Variants in CNTNAP2 observed in about 807,000 individuals in gnomAD.
The protein encoded by CNTNAP2 is contactin associated protein 2.
A neutral mutation model predicts 155.2 loss-of-function variants in CNTNAP2; 98 were observed. That is an observed-to-expected ratio of 0.63 (90% CI 0.54 to 0.75). The LOEUF is 0.75. CNTNAP2 is among the 30% of genes least tolerant of loss of function. The probability of loss-of-function intolerance (pLI) is 0.00; values close to 1 mark genes in which losing one functional copy is unlikely to be tolerated. For synonymous variants in CNTNAP2, 651 were observed against 631.2 expected (o/e 1.03, Z -0.47); for missense variants, 1,727 against 1,688.1 (o/e 1.02, Z -0.40).
chr7:146,471,224 T>G (rs1584940567), intron 1 of CNTNAP2, among the ~76,000 whole-genome samples: 1 of 152,342 alleles, frequency 6.6e-6, no homozygotes, highest in African/African-American at 2.4e-5. Context: ...GGGTGAGAAC[T>G]TGCTCTTGTT....
chr7:147,840,066 C>G (rs62482322), intron 13 of CNTNAP2, among the ~76,000 whole-genome samples: 10,667 of 151,958 alleles, frequency 0.07, 409 homozygotes, highest in East Asian at 0.15. Flanking sequence ...AACTCAGAAG[C>G]AGAAAGCCAA....
At chr7:146,504,023 T>C (rs529149637) in intron 1 of CNTNAP2, among the ~76,000 whole-genome samples, 1 of 152,192 alleles carries the variant, frequency 6.6e-6, no homozygotes, top group Non-Finnish European at 1.5e-5. Flanking sequence ...ACAGGTTACA[T>C]TAAATGGCTA....
At chr7:147,516,910 G>A (rs1413575804) in intron 11 of CNTNAP2, among the ~76,000 whole-genome samples, 3 of 142,810 alleles carry the variant, frequency 2.1e-5, no homozygotes, top group East Asian at 2.0e-4. Flanking sequence ...TGCCCAGGAT[G>A]CAGTGCAGTG....
intron 9 of CNTNAP2, among the ~76,000 whole-genome samples, chr7:147,346,162 T>TG (rs1193123116): frequency 6.7e-6 from 1 of 148,348 alleles, no homozygotes; most frequent in Admixed American, 6.7e-5. Flanking sequence ...TATTTTTTTT[T>TG]TTTGAGACAG....
At chr7:147,663,850 C>T (rs979313383) in intron 13 of CNTNAP2, among the ~76,000 whole-genome samples, 1 of 151,610 alleles carries the variant, frequency 6.6e-6, no homozygotes, top group Non-Finnish European at 1.5e-5. Flanking sequence ...TTTTAAAGCC[C>T]TTTAATTTCT....
chr7:148,220,078 T>C (rs947190104), intron 19 of CNTNAP2, among the ~76,000 whole-genome samples: 1 of 152,254 alleles, frequency 6.6e-6, no homozygotes, highest in African/African-American at 2.4e-5. Context: ...AAGTCAAAGA[T>C]TCATCATGAA....
At chr7:147,568,066 A>G (rs1800210317) in intron 12 of CNTNAP2, among the ~76,000 whole-genome samples, 1 of 152,238 alleles carries the variant, frequency 6.6e-6, no homozygotes, top group South Asian at 2.1e-4. Context: ...AGCCTGGGCA[A>G]CACAGCGAGA....
chr7:147,000,895 C>T (rs181620484), intron 3 of CNTNAP2, among the ~76,000 whole-genome samples: 1 of 152,052 alleles, frequency 6.6e-6, no homozygotes, highest in African/African-American at 2.4e-5. Flanking sequence ...TTGAGTCATT[C>T]TTGCAGGGCC....
intron 8 of CNTNAP2, among the ~76,000 whole-genome samples, chr7:147,216,211 C>A (rs192247019): frequency 1.3e-4 from 20 of 151,480 alleles, no homozygotes; most frequent in African/African-American, 4.8e-4. Flanking sequence ...CCAACTGTTT[C>A]TTTCATGAAT....
intron 13 of CNTNAP2, among the ~76,000 whole-genome samples, chr7:147,756,777 GGGC>G (rs1797218889): frequency 6.6e-6 from 1 of 152,116 alleles, no homozygotes; most frequent in Non-Finnish European, 1.5e-5. Context: ...TAACCTTTCA[GGGC>G]AATTCCATCA....
At chr7:147,144,034 CAA>C (rs1022213483) in intron 8 of CNTNAP2, among the ~76,000 whole-genome samples, 1 of 152,016 alleles carries the variant, frequency 6.6e-6, no homozygotes, top group African/African-American at 2.4e-5. Context: ...CAGGGAAAAA[CAA>C]GAGAATAAAT....
chr7:148,000,327 G>T (rs1318986029), intron 15 of CNTNAP2, among the ~76,000 whole-genome samples: 2 of 152,108 alleles, frequency 1.3e-5, no homozygotes, highest in African/African-American at 4.8e-5. Context: ...TTTGTGTTTA[G>T]GACCCCGGGA....
At chr7:146,365,487 G>A (rs1795142213) in intron 1 of CNTNAP2, among the ~76,000 whole-genome samples, 1 of 152,104 alleles carries the variant, frequency 6.6e-6, no homozygotes, top group African/African-American at 2.4e-5. Context: ...GAAGCATAAA[G>A]GACAGATACA....
chr7:147,688,814 T>TA (rs1796050577), intron 13 of CNTNAP2, among the ~76,000 whole-genome samples: 1 of 152,178 alleles, frequency 6.6e-6, no homozygotes, highest in African/African-American at 2.4e-5. Context: ...TTATAACTGT[T>TA]ATGAATACCT....
intron 12 of CNTNAP2, among the ~76,000 whole-genome samples, chr7:147,634,971 A>T (rs1795151625): frequency 6.6e-6 from 1 of 152,064 alleles, no homozygotes; most frequent in South Asian, 2.1e-4. Context: ...AAATTCCAGA[A>T]TTAGAACATT....
intron 16 of CNTNAP2, among the ~76,000 whole-genome samples, chr7:148,129,072 G>A (rs1804772773): frequency 1.3e-5 from 2 of 152,102 alleles, no homozygotes; most frequent in Non-Finnish European, 2.9e-5. Context: ...ACCAAGGGCA[G>A]GCTACTTCCA....
intron 1 of CNTNAP2, among the ~76,000 whole-genome samples, chr7:146,678,691 A>G (rs192117452): frequency 1.1e-4 from 17 of 152,264 alleles, no homozygotes; most frequent in Admixed American, 7.8e-4. Flanking sequence ...AAAAGGGTTT[A>G]TGAAATCATC....
At chr7:147,808,633 T>A (rs1798130519) in intron 13 of CNTNAP2, among the ~76,000 whole-genome samples, 1 of 152,244 alleles carries the variant, frequency 6.6e-6, no homozygotes, top group South Asian at 2.1e-4. Flanking sequence ...CTTCTCTGTT[T>A]GGTAGTGCAA....
rs115311552 is a variant in CNTNAP2, at chr7:146,556,920, T to C, written c.98-217351T>C. 4.1e-3 allele frequency among the ~76,000 whole-genome samples: 631 copies of C among 152,190 alleles called. 9 individuals carry two copies. The highest frequency in any genetic ancestry group is 0.014 in the African/African-American group (594 of 41,462). On this transcript the variant is annotated intron_variant, in intron 1 of 23. Coordinates refer to ENST00000361727, the MANE Select transcript of CNTNAP2 (RefSeq NM_014141.6). ...ATAGGAGCTTTAGCCCTGAGGGATA[T>C]TGCTCTATAAGCCCAGGTTCTTTTC...
Sources: allele counts gnomAD v4.1 joint callset (sites outside exome capture counted in the v4.1 genomes callset), GRCh38; gene constraint gnomAD v4.1.1; transcripts MANE v1.5; gene names NCBI Gene and HGNC (gene_info 2026-07-23, HGNC 2026-07-21).